Variants in DYNC2LI1 observed in about 807,000 individuals in gnomAD.
DYNC2LI1 encodes the protein cytoplasmic dynein 2 light intermediate chain 1.
DYNC2LI1 carries 45 observed loss-of-function variants against 51.9 expected under a neutral mutation model. The ratio of observed to expected loss-of-function variants is 0.87; its 90% CI spans 0.68 to 1.11. The LOEUF (loss-of-function observed/expected upper bound fraction) is 1.11. DYNC2LI1 is among the 50% of genes most tolerant of loss of function. DYNC2LI1 has a pLI of 0.00. For missense variants in DYNC2LI1, 490 were observed against 417.4 expected, an observed-to-expected ratio of 1.17 and a Z score of -1.51; for synonymous variants, 130 against 137.8, an observed-to-expected ratio of 0.94 and a Z score of 0.40.
chr2:43,826,547 C>T, the DYNC2LI1 span: 1 of 1,614,130 alleles, frequency 6.2e-7, no homozygotes, highest in South Asian at 1.1e-5. Flanking sequence ...GGCCAGACTT[C>T]TAAGGTAGTG....
chr2:43,774,101 C>G lies in DYNC2LI1; in HGVS notation c.-38C>G, dbSNP rs777880404. On this transcript the variant is annotated 5_prime_UTR_variant, in exon 1 of 13. Coordinates refer to ENST00000260605, the MANE Select transcript of DYNC2LI1 (RefSeq NM_016008.4). The stretch of plus-strand genomic sequence containing the variant: ...GCCTGATTCTAGGCTGGTCACTACT[C>G]CGAGCCTGTGACGTTTGCGGCAGCC... The G allele has an allele frequency of 4.6e-5, 75 of 1,613,144 alleles. No homozygotes were observed. Among genetic ancestry groups the G allele is most frequent in the Non-Finnish European group, 5.8e-5 (69 of 1,179,720 alleles).
At chr2:43,805,110 T>C (rs1666203377) in intron 11 of DYNC2LI1, 44 bp from the exon 12 acceptor site, 1 of 1,322,466 alleles carries the variant, frequency 7.6e-7, no homozygotes, top group Non-Finnish European at 1.1e-6. Flanking sequence ...GCCATTGAAT[T>C]TTGGTTTATG....
At chr2:43,814,749 G>T (rs942222156), downstream of DYNC2LI1, among the ~76,000 whole-genome samples, 1 of 152,010 alleles carries the variant, frequency 6.6e-6, no homozygotes, top group East Asian at 1.9e-4. Context: ...AAACAACATT[G>T]AACAATATAA....
At chr2:43,805,840 C>G (rs1666232178) in intron 12 of DYNC2LI1, among the ~76,000 whole-genome samples, 1 of 152,000 alleles carries the variant, frequency 6.6e-6, no homozygotes, top group South Asian at 2.1e-4. Flanking sequence ...TAAGAGTTGG[C>G]AAATTCACCA....
chr2:43,796,736 A>G lies in DYNC2LI1; in HGVS notation c.595A>G (p.Arg199Gly), dbSNP rs1410909109. 6.2e-7 allele frequency: 1 copy of G among 1,613,144 alleles called. No individual in the cohort carries two copies. Among genetic ancestry groups the G allele is most frequent in the South Asian group, 1.1e-5 (1 of 91,040 alleles). Residue 199 changes from arginine to glycine, a missense_variant, in exon 8 of 13, where the codon AGA (arginine) becomes GGA (glycine). Coordinates refer to ENST00000260605, the MANE Select transcript of DYNC2LI1 (RefSeq NM_016008.4). ...DVFQDFESEK[R>G]KVICKTLRFV... ...TCTACAGGATTTTGAGTCTGAGAAG[A>G]GAAAGGTAATATGCAAGACACTTCG...
chr2:43,817,716 C>G, the DYNC2LI1 span, among the ~76,000 whole-genome samples: 41 of 152,064 alleles, frequency 2.7e-4, no homozygotes, highest in African/African-American at 9.6e-4. Flanking sequence ...TTGAGACCAA[C>G]CTGGCCAAAA....
chr2:43,802,694 G>A (rs141250329), intron 10 of DYNC2LI1, among the ~76,000 whole-genome samples: 3 of 152,156 alleles, frequency 2.0e-5, no homozygotes, highest in East Asian at 1.9e-4. Flanking sequence ...AGATCTCATC[G>A]GAATTAAAAA....
At chr2:43,802,748 A>G (rs2104711409) in intron 10 of DYNC2LI1, among the ~76,000 whole-genome samples, 1 of 152,340 alleles carries the variant, frequency 6.6e-6, no homozygotes, top group East Asian at 1.9e-4. Flanking sequence ...TAGACGTGCC[A>G]TAGTGTGGGA....
At chr2:43,826,423 C>T in the DYNC2LI1 span, 1 of 1,614,072 alleles carries the variant, frequency 6.2e-7, no homozygotes, top group South Asian at 1.1e-5. Context: ...GTGAGAACCA[C>T]AATTCGGTTC....
chr2:43,795,971 G>T lies in DYNC2LI1; in HGVS notation c.576+13G>T, dbSNP rs374364789. 1.2e-6 allele frequency: 2 copies of T among 1,604,338 alleles called. No homozygotes were observed. Among genetic ancestry groups the T allele is most frequent in the African/African-American group, 1.3e-5 (1 of 74,678 alleles). Reference sequence around the variant, plus strand: ...TGATGTTTTTCAGGTAAGCTCTTCCGCTTCTAGCTGAGTTTGTTGTACATA... The same window carrying T: ...TGATGTTTTTCAGGTAAGCTCTTCCTCTTCTAGCTGAGTTTGTTGTACATA... On this transcript the variant is annotated intron_variant, in intron 7 of 12. Coordinates refer to ENST00000260605, the MANE Select transcript of DYNC2LI1 (RefSeq NM_016008.4).
chr2:43,822,653 A>T, the DYNC2LI1 span: 1 of 1,542,172 alleles, frequency 6.5e-7, no homozygotes, highest in Non-Finnish European at 8.8e-7. Context: ...GTCCTGGAAG[A>T]TACGACATTG....
At chr2:43,827,923 T>C in the DYNC2LI1 span, 6 of 1,608,538 alleles carry the variant, frequency 3.7e-6, no homozygotes, top group Middle Eastern at 9.9e-4. Flanking sequence ...GCCCAAAGTA[T>C]CTGCACACAC....
At chr2:43,821,804 C>G in the DYNC2LI1 span, among the ~76,000 whole-genome samples, 1 of 152,126 alleles carries the variant, frequency 6.6e-6, no homozygotes, top group African/African-American at 2.4e-5. Flanking sequence ...CAGTGCTCAG[C>G]AGCTGAATTC....
At position 43,807,880 on chromosome 2, in the gene DYNC2LI1, G is replaced by A. The variant is rs377290573; in HGVS notation, c.994-1825G>A. On this transcript the variant is annotated intron_variant, in intron 12 of 12. Transcript: ENST00000260605. ...AACATCAATGCATTATTTTGAGGCC[G>A]TATCATTGTCATGTTGAAGATCTAG... 3.3e-5 allele frequency among the ~76,000 whole-genome samples: 5 copies of A among 151,154 alleles called. No homozygotes were observed. The East Asian group carries it at 7.8e-4, about 24-fold the overall frequency.
At chr2:43,800,940 A>G (rs376767356) in intron 9 of DYNC2LI1, 23 bp downstream of exon 9, 7 of 1,493,464 alleles carry the variant, frequency 4.7e-6, no homozygotes, top group Middle Eastern at 1.7e-4. Context: ...TATTTTTTAT[A>G]TCATTTATTG....
the DYNC2LI1 span, chr2:43,819,781 A>G: frequency 9.4e-6 from 9 of 955,040 alleles, no homozygotes; most frequent in Non-Finnish European, 6.6e-6. Context: ...AACGAGCAGT[A>G]TAAATGCTCT....
the DYNC2LI1 span, chr2:43,828,199 G>A: frequency 1.2e-5 from 19 of 1,592,070 alleles, 1 homozygote; most frequent in South Asian, 1.9e-4. Context: ...CATGAAAGAG[G>A]CAGCACACCG....
chr2:43,823,415 C>G, the DYNC2LI1 span, among the ~76,000 whole-genome samples: 1 of 152,244 alleles, frequency 6.6e-6, no homozygotes, highest in East Asian at 1.9e-4. Flanking sequence ...AAGTCCTTCC[C>G]TCTTATTCCC....
the DYNC2LI1 span, chr2:43,823,025 G>GGCT: frequency 6.4e-7 from 1 of 1,555,224 alleles, no homozygotes; most frequent in African/African-American, 1.4e-5. Flanking sequence ...GGTCTGTCAG[G>GGCT]GCTGGATGGT....
Sources: allele counts gnomAD v4.1 joint callset (sites outside exome capture counted in the v4.1 genomes callset), GRCh38; gene constraint gnomAD v4.1.1; transcripts MANE v1.5; gene names NCBI Gene and HGNC (gene_info 2026-07-23, HGNC 2026-07-21).